Variants in NAV2 observed in about 807,000 individuals in gnomAD.
The protein encoded by NAV2 is helicase, APC down-regulated 1.
In NAV2, 54 loss-of-function variants were observed where a neutral mutation model predicts 223.2. The ratio of observed to expected loss-of-function variants is 0.24; its 90% CI spans 0.19 to 0.30. The LOEUF is 0.30. Ranked by LOEUF, NAV2 falls within the 10% of genes least tolerant of loss-of-function variation. The probability of loss-of-function intolerance (pLI) is 1.00; values close to 1 mark genes in which losing one functional copy is unlikely to be tolerated. For synonymous variants in NAV2, 1,279 were observed against 1,239.3 expected (o/e 1.03, Z -0.67); for missense variants, 2,806 against 3,147.5 (o/e 0.89, Z 2.60).
At position 20,068,380 on chromosome 11, in the gene NAV2, C is replaced by G. The variant is rs2059181868; in HGVS notation, c.4965C>G (p.Thr1655=). The G allele has an allele frequency of 1.2e-6, 2 of 1,613,884 alleles. No individual in the cohort carries two copies. The highest frequency in any genetic ancestry group is 2.7e-5 in the African/African-American group (2 of 75,048). ...CCCAGGAGAAAGTTTCAGCTTTGAC[C>G]ACCCAGCTGACAGCAAATGTAAGTA... ...DASQEKVSAL[T]TQLTANAHLV... is the part of the protein sequence containing the mutation. The change falls in exon 22 of 38, where the codon ACC becomes ACG. Residue 1655 remains threonine, a synonymous_variant. Coordinates refer to ENST00000349880, the MANE Select transcript of NAV2 (RefSeq NM_145117.5).
intron 1 of NAV2, among the ~76,000 whole-genome samples, chr11:19,728,010 C>A (rs1174580461): frequency 6.6e-6 from 1 of 152,222 alleles, no homozygotes; most frequent in South Asian, 2.1e-4. Context: ...TCCAGCCACT[C>A]TGGAGTCCAG....
chr11:20,070,884 A>T (rs1423528500), intron 22 of NAV2, among the ~76,000 whole-genome samples: 1 of 152,182 alleles, frequency 6.6e-6, no homozygotes, highest in Non-Finnish European at 1.5e-5. Flanking sequence ...GGATCTCCAG[A>T]GCAAATGTGT....
At chr11:19,672,219 C>T (rs2048593386) in intron 1 of NAV2, among the ~76,000 whole-genome samples, 1 of 152,214 alleles carries the variant, frequency 6.6e-6, no homozygotes, top group Non-Finnish European at 1.5e-5. Context: ...ACAGTCTCAC[C>T]AAGTCCCCAG....
At chr11:19,609,202 A>G (rs2046564166) in intron 1 of NAV2, among the ~76,000 whole-genome samples, 1 of 152,220 alleles carries the variant, frequency 6.6e-6, no homozygotes, top group Non-Finnish European at 1.5e-5. Context: ...CATTTTTGAA[A>G]GCAGATAACA....
chr11:19,887,757 C>G (rs1408225822), intron 5 of NAV2, among the ~76,000 whole-genome samples: 1 of 151,898 alleles, frequency 6.6e-6, no homozygotes, highest in Non-Finnish European at 1.5e-5. Context: ...TCCTCTCTGC[C>G]CAGCTGCTGG....
chr11:19,861,518 C>T (rs61877273), intron 3 of NAV2, among the ~76,000 whole-genome samples: 13,356 of 152,214 alleles, frequency 0.088, 661 homozygotes, highest in Admixed American at 0.12. Flanking sequence ...CGAATATATC[C>T]TCTTGTCTAA....
chr11:19,977,864 G>A (rs59519973), intron 10 of NAV2, among the ~76,000 whole-genome samples: 332 of 148,700 alleles, frequency 2.2e-3, no homozygotes, highest in African/African-American at 7.9e-3. Context: ...GAGTGCAATG[G>A]CACAGTCTCG....
intron 27 of NAV2, among the ~76,000 whole-genome samples, chr11:20,091,609 T>C (rs2060856383): frequency 6.6e-6 from 1 of 152,170 alleles, no homozygotes. Flanking sequence ...TTCTGGGCTT[T>C]TTGCATACCT....
At chr11:19,469,080 T>C (rs1382109749) in intron 1 of NAV2, among the ~76,000 whole-genome samples, 1 of 152,212 alleles carries the variant, frequency 6.6e-6, no homozygotes, top group Non-Finnish European at 1.5e-5. Flanking sequence ...TGGAAAGTAT[T>C]CAGAAACTGC....
intron 1 of NAV2, among the ~76,000 whole-genome samples, chr11:19,558,742 G>A (rs1450496592): frequency 6.6e-6 from 1 of 152,228 alleles, no homozygotes; most frequent in African/African-American, 2.4e-5. Context: ...TGTACAGCCT[G>A]TGTTCCATGG....
At chr11:19,389,394 T>C (rs899374926) in intron 1 of NAV2, among the ~76,000 whole-genome samples, 3 of 152,242 alleles carry the variant, frequency 2.0e-5, no homozygotes, top group African/African-American at 7.2e-5. Flanking sequence ...GGAAGCACGA[T>C]GTTCTTTCCC....
chr11:19,873,051 C>T (rs938580999), intron 4 of NAV2, among the ~76,000 whole-genome samples: 3 of 152,202 alleles, frequency 2.0e-5, no homozygotes, highest in Admixed American at 6.5e-5. Context: ...TATTTCTGGC[C>T]ATTTTGAGAA....
intron 1 of NAV2, among the ~76,000 whole-genome samples, chr11:19,435,340 G>T (rs905983157): frequency 6.6e-6 from 1 of 151,788 alleles, no homozygotes; most frequent in Non-Finnish European, 1.5e-5. Flanking sequence ...GTCTCTCTGT[G>T]CCTGGCTTAT....
intron 3 of NAV2, among the ~76,000 whole-genome samples, chr11:19,860,055 A>G (rs543555452): frequency 5.4e-5 from 2 of 37,168 alleles, no homozygotes; most frequent in Non-Finnish European, 1.1e-4. Flanking sequence ...ACCCCCCCCA[A>G]CTCCCTCCTG....
intron 2 of NAV2, among the ~76,000 whole-genome samples, chr11:19,837,545 G>A (rs2060298456): frequency 6.6e-6 from 1 of 152,150 alleles, no homozygotes. Context: ...ACAGATGGAC[G>A]TCATGTGCTT....
intron 1 of NAV2, among the ~76,000 whole-genome samples, chr11:19,567,301 G>A (rs1306317349): frequency 6.6e-6 from 1 of 152,214 alleles, no homozygotes; most frequent in Non-Finnish European, 1.5e-5. Context: ...GGCTGTGGAA[G>A]GGAAGTGTAG....
intron 1 of NAV2, among the ~76,000 whole-genome samples, chr11:19,626,203 T>C (rs952710114): frequency 6.6e-6 from 1 of 152,184 alleles, no homozygotes; most frequent in Non-Finnish European, 1.5e-5. Context: ...TTTGAGTTGA[T>C]TTTAGTATAG....
chr11:19,660,907 G>A (rs576766278), intron 1 of NAV2, among the ~76,000 whole-genome samples: 1 of 152,162 alleles, frequency 6.6e-6, no homozygotes, highest in East Asian at 1.9e-4. Context: ...CTTTTGTTTG[G>A]TGTCACTCTT....
At chr11:19,594,813 G>A (rs2046162102) in intron 1 of NAV2, among the ~76,000 whole-genome samples, 1 of 152,174 alleles carries the variant, frequency 6.6e-6, no homozygotes, top group African/African-American at 2.4e-5. Context: ...TCTGAAAAAT[G>A]GGGACAATCA....
Sources: gnomAD v4.1 joint callset for allele counts (sites outside exome capture counted in the v4.1 genomes callset) on GRCh38, gnomAD v4.1.1 for gene constraint, MANE v1.5 for transcripts, NCBI Gene and HGNC (gene_info 2026-07-23, HGNC 2026-07-21) for gene names.